The following MYO16 variants were observed in gnomAD, a reference collection of about 807,000 sequenced individuals.
MYO16 encodes the protein myosin XVI.
MYO16 carries 94 observed loss-of-function variants against 205.3 expected under a neutral mutation model. The ratio of observed to expected loss-of-function variants is 0.46; its 90% CI spans 0.39 to 0.54. MYO16 has a LOEUF of 0.54. MYO16 is among the 20% of genes least tolerant of loss of function. The pLI is 0.00. For synonymous variants in MYO16, 988 were observed against 954.0 expected, an observed-to-expected ratio of 1.04 and a Z score of -0.66; for missense variants, 2,315 against 2,387.5, an observed-to-expected ratio of 0.97 and a Z score of 0.63.
At chr13:108,782,701 G>A (rs754466266) in intron 4 of MYO16, among the ~76,000 whole-genome samples, 2 of 152,116 alleles carry the variant, frequency 1.3e-5, no homozygotes, top group African/African-American at 2.4e-5. Flanking sequence ...CAGGGTCCCC[G>A]TGCTGTTTGC....
chr13:108,879,598 G>T (rs1879501360), intron 12 of MYO16, among the ~76,000 whole-genome samples: 1 of 152,142 alleles, frequency 6.6e-6, no homozygotes, highest in Non-Finnish European at 1.5e-5. Context: ...ACCTATGAGT[G>T]AGAACATGAG....
intron 1 of MYO16, among the ~76,000 whole-genome samples, chr13:108,646,941 C>G (rs1293863927): frequency 1.3e-5 from 2 of 151,988 alleles, no homozygotes; most frequent in Non-Finnish European, 2.9e-5. Flanking sequence ...ATGGACATTT[C>G]CTACTTGAAG....
Position 108,629,863 on chromosome 13 carries a change from A to T in MYO16, c.19A>T (p.Ile7Phe), listed in dbSNP as rs1402423138. ...TGGAAAGATGTCTCACTATCATTTT[A>T]TCAAGTGCTGTAAGTAAGCTTGATA... The part of the protein sequence containing the change: MSHYHF[I>F]KCCCFQLCNV... The change falls in exon 1 of 35, where the codon ATC (isoleucine) becomes TTC (phenylalanine). Residue 7 changes from isoleucine to phenylalanine, a missense_variant. Physicochemically the swap from Ile to Phe is conservative, Grantham distance 21. This residue lies in a region of MYO16 where 1,213 missense variants were observed against 1,274.4 expected (regional missense o/e 0.95). Coordinates refer to ENST00000457511, the MANE Select transcript of MYO16 (RefSeq NM_001198950.3). 2 of 1,528,094 alleles carry T rather than the reference A, an allele frequency of 1.3e-6. No homozygotes were observed. The highest frequency in any genetic ancestry group is 1.4e-5 in the African/African-American group (1 of 72,986). The allele number at this position is 1,528,094 out of a possible 1,614,324, so 94.7% of individuals were successfully genotyped here.
At chr13:108,620,719 T>C (rs903719649) in intron 1 of MYO16, among the ~76,000 whole-genome samples, 3 of 152,238 alleles carry the variant, frequency 2.0e-5, no homozygotes, top group Admixed American at 2.0e-4. Context: ...CACTTCCCAC[T>C]TGTCACTGCC....
intron 29 of MYO16, among the ~76,000 whole-genome samples, chr13:109,124,181 C>A (rs965638199): frequency 6.6e-6 from 1 of 152,200 alleles, no homozygotes; most frequent in African/African-American, 2.4e-5. Flanking sequence ...TTAGAAAGTT[C>A]TTTCTAACAC....
At chr13:108,832,311 T>G (rs1876666149) in intron 9 of MYO16, among the ~76,000 whole-genome samples, 1 of 151,796 alleles carries the variant, frequency 6.6e-6, no homozygotes, top group Admixed American at 6.6e-5. Context: ...CCCAGCTAAT[T>G]TTTGTATTTT....
chr13:108,528,607 T>A, the MYO16 span, among the ~76,000 whole-genome samples: 2 of 5,508 alleles, frequency 3.6e-4, no homozygotes, highest in Non-Finnish European at 7.4e-4. Context: ...TCCCCTCTCC[T>A]CTCCTCCCCT....
chr13:108,879,997 A>G (rs1879529746), intron 12 of MYO16, among the ~76,000 whole-genome samples: 1 of 152,078 alleles, frequency 6.6e-6, no homozygotes, highest in Non-Finnish European at 1.5e-5. Flanking sequence ...AAGTGTTCCT[A>G]TTTCTCCACA....
chr13:108,851,588 C>G (rs1287500908), intron 10 of MYO16, among the ~76,000 whole-genome samples: 1 of 152,110 alleles, frequency 6.6e-6, no homozygotes. Context: ...TATAAGAAAA[C>G]CTTCAATCTT....
intron 7 of MYO16, among the ~76,000 whole-genome samples, chr13:108,816,552 C>A (rs1158963841): frequency 6.6e-6 from 1 of 152,138 alleles, no homozygotes; most frequent in African/African-American, 2.4e-5. Context: ...ACCGCAAGGT[C>A]ACACGATCCA....
At chr13:108,706,916 CTT>C (rs1443468203) in intron 2 of MYO16, among the ~76,000 whole-genome samples, 6 of 152,148 alleles carry the variant, frequency 3.9e-5, no homozygotes, top group African/African-American at 1.4e-4. Flanking sequence ...TCGGCTAGTG[CTT>C]GATTCCGGGG....
At chr13:108,838,792 C>CACT in intron 9 of MYO16, among the ~76,000 whole-genome samples, 1 of 79,806 alleles carries the variant, frequency 1.3e-5, no homozygotes, top group Non-Finnish European at 2.8e-5. Flanking sequence ...ACACACACAC[C>CACT]ATAACAACTA....
intron 29 of MYO16, among the ~76,000 whole-genome samples, chr13:109,124,702 A>G (rs1258998753): frequency 6.6e-6 from 1 of 152,208 alleles, no homozygotes; most frequent in African/African-American, 2.4e-5. Flanking sequence ...TATGCATGAT[A>G]TTTCCAAAGA....
intron 32 of MYO16, among the ~76,000 whole-genome samples, chr13:109,152,837 G>A (rs1877751529): frequency 1.3e-5 from 2 of 152,154 alleles, no homozygotes. Flanking sequence ...ATTACTATCT[G>A]CAGTTTGCTT....
In MYO16 at chr13:108,698,115, C is replaced by G. The variant is rs906345864; in HGVS notation, c.293-14546C>G. The stretch of plus-strand genomic sequence containing the variant: ...CTATTATGGCACTTAGGTCACCTTC[C>G]ATGTCCAGCACCGATAATTAAGTAA... On this transcript the variant is annotated intron_variant, in intron 2 of 34. Coordinates refer to ENST00000457511, the MANE Select transcript of MYO16 (RefSeq NM_001198950.3). Among the ~76,000 whole-genome samples the G allele has an allele frequency of 3.9e-5, 6 of 152,174 alleles. No homozygotes were observed. In the East Asian group the frequency reaches 9.6e-4, roughly 24 times the overall value.
rs192170885 is a variant in MYO16, at chr13:108,867,690, T to C, written c.1425+1448T>C. 9.2e-5 allele frequency among the ~76,000 whole-genome samples: 14 copies of C among 152,366 alleles called. No homozygotes were observed. In the East Asian group the frequency reaches 2.7e-3, roughly 29 times the overall value. ...GTGTATTGACGTATAATATAAATAT[T>C]GCATAGCATACAAATATTAAATCTT... On this transcript the variant is annotated intron_variant, in intron 12 of 34. Transcript: ENST00000457511.
At chr13:108,668,368 A>C (rs1881832547) in intron 2 of MYO16, among the ~76,000 whole-genome samples, 1 of 152,136 alleles carries the variant, frequency 6.6e-6, no homozygotes, top group Admixed American at 6.5e-5. Context: ...TATTTTTAGG[A>C]TAGAGCTGAC....
intron 4 of MYO16, among the ~76,000 whole-genome samples, chr13:108,764,447 A>T (rs1473818797): frequency 6.6e-6 from 1 of 152,202 alleles, no homozygotes; most frequent in Non-Finnish European, 1.5e-5. Context: ...TAAAAAGCAG[A>T]GTAAACAGAC....
At position 109,125,444 on chromosome 13, in the gene MYO16, T is replaced by C. The variant is rs929550026; in HGVS notation, c.3782+86T>C. The C allele has an allele frequency of 7.9e-6, 12 of 1,524,524 alleles. No individual in the cohort carries two copies. In the East Asian group the frequency reaches 2.8e-4, roughly 35 times the overall value. The allele number at this position is 1,524,524 out of a possible 1,614,324, so 94.4% of individuals were successfully genotyped here. A position where few individuals can be genotyped will look rare whatever the true frequency, so the allele number is the denominator to read the frequency against. ...AATTCAAATAGCCCTTAATGCAGAG[T>C]TCAATCAAATATGACAGGAGTTGCA... On this transcript the variant is annotated intron_variant, in intron 30 of 34. Coordinates refer to ENST00000457511, the MANE Select transcript of MYO16 (RefSeq NM_001198950.3). The surrounding 1 kb of genome is among the most constrained non-coding windows in gnomAD (Gnocchi z 4.0).
Sources: gnomAD v4.1 joint callset for allele counts (sites outside exome capture counted in the v4.1 genomes callset) on GRCh38, gnomAD v4.1.1 for gene constraint, gnomAD v4.1.1 regional missense constraint, Gnocchi (gnomAD v3.1) non-coding constraint, MANE v1.5 for transcripts, NCBI Gene and HGNC (gene_info 2026-07-23, HGNC 2026-07-21) for gene names.